Variants in CRLS1 observed in about 807,000 individuals in gnomAD.
The protein encoded by CRLS1 is cardiolipin synthase 1, also known as cardiolipin synthase (CMP-forming).
A neutral mutation model predicts 37.0 loss-of-function variants in CRLS1; 24 were observed. The observed-to-expected ratio is 0.65, with a 90% CI of 0.47 to 0.91. CRLS1 has a LOEUF of 0.91. CRLS1 is among the 40% of genes least tolerant of loss of function. The pLI, the probability that CRLS1 is intolerant of heterozygous loss-of-function variation, is 0.00. For synonymous variants in CRLS1, 135 were observed against 159.7 expected, an observed-to-expected ratio of 0.85 and a Z score of 1.17; for missense variants, 373 against 395.8, an observed-to-expected ratio of 0.94 and a Z score of 0.49.
intron 5 of CRLS1, among the ~76,000 whole-genome samples, chr20:6,033,210 A>ACCT (rs1980308482): frequency 6.7e-6 from 1 of 149,520 alleles, no homozygotes; most frequent in Non-Finnish European, 1.5e-5. Flanking sequence ...GCTCACTGCA[A>ACCT]CCTCCTCCTC....
intron 3 of CRLS1, among the ~76,000 whole-genome samples, chr20:6,020,530 T>C (rs1879908318): frequency 6.6e-6 from 1 of 152,172 alleles, no homozygotes; most frequent in Admixed American, 6.5e-5. Flanking sequence ...TTATAAATAT[T>C]CCATGAATAC....
chr20:6,033,689 T>G (rs989253361), intron 5 of CRLS1, among the ~76,000 whole-genome samples: 8 of 151,738 alleles, frequency 5.3e-5, no homozygotes, highest in Non-Finnish European at 1.0e-4. Flanking sequence ...GATGAGTGCT[T>G]TTTCTTTGAA....
intron 3 of CRLS1, among the ~76,000 whole-genome samples, chr20:6,024,802 T>C (rs910429908): frequency 6.6e-6 from 1 of 152,190 alleles, no homozygotes. Flanking sequence ...TTATTGCTTA[T>C]GGAAAGAAAG....
At chr20:6,010,053 C>A in intron 2 of CRLS1, 141 bp downstream of exon 2, 4 of 700,648 alleles carry the variant, frequency 5.7e-6, no homozygotes, top group African/African-American at 1.9e-5. Flanking sequence ...TTTGTGAGGA[C>A]TTTGTCTTTA....
rs1980695007 is a variant in CRLS1 at position 6,038,006 on chromosome 20, T to C, written c.*848T>C. 1 of 152,236 alleles carries C rather than the reference T, an allele frequency of 6.6e-6. No homozygotes were observed. Among genetic ancestry groups the C allele is most frequent in the Non-Finnish European group, 1.5e-5 (1 of 68,046 alleles). The allele number at this position is 152,236 out of a possible 1,614,324, so 9.4% of individuals were successfully genotyped here. On this transcript the variant is annotated 3_prime_UTR_variant, in exon 7 of 7. Coordinates refer to ENST00000378863, the MANE Select transcript of CRLS1 (RefSeq NM_019095.6). ...TTTAAACTTTGGAGACTCTTTCTTT[T>C]GTTAAGCAGTTAAAGGAATAAAAGA...
chr20:6,035,050 G>A (rs1028784992), intron 6 of CRLS1, among the ~76,000 whole-genome samples: 1 of 152,210 alleles, frequency 6.6e-6, no homozygotes, highest in South Asian at 2.1e-4. Flanking sequence ...TCTTAAAAGT[G>A]TGTCAAATTC....
At position 6,006,439 on chromosome 20, in the gene CRLS1, C is replaced by T. The variant is rs1346117996; in HGVS notation, c.193C>T (p.Gln65Ter). ...TGGCTTGCGGCTGCCCGGGATCGGC[C>T]AGCGGAACCACTGTTCGGGCGCGGG... ...ALGLRLPGIG[Q>*]RNHCSGAGKA... Residue 65 changes from glutamine to a stop codon, truncating the protein, a stop_gained, in exon 1 of 7, where the codon CAG becomes TAG. Coordinates refer to ENST00000378863, the MANE Select transcript of CRLS1 (RefSeq NM_019095.6). LOFTEE classifies it high-confidence loss of function. 2.1e-6 allele frequency: 3 copies of T among 1,406,948 alleles called. No individual in the cohort carries two copies. The highest frequency in any genetic ancestry group is 2.8e-6 in the Non-Finnish European group (3 of 1,081,416). 87.2% of individuals were successfully genotyped at this position (1,406,948 alleles called of 1,614,324 possible). A position where few individuals can be genotyped will look rare whatever the true frequency, so the allele number is the denominator to read the frequency against.
chr20:6,015,432 T>C lies in CRLS1; in HGVS notation c.516T>C (p.Ala172=). ...SALGSALDPL[A]DKILISILYV... is the part of the protein sequence containing the mutation. ...TGGGAAGTGCTCTTGATCCACTTGC[T>C]GATAAAATACTTATCAGTATCTTAT... The change falls in exon 3 of 7, where the codon GCT becomes GCC. Residue 172 remains alanine (A), a synonymous_variant. Transcript: ENST00000378863. 1 of 1,611,680 alleles carries C rather than the reference T, an allele frequency of 6.2e-7. No homozygotes were observed. The highest frequency in any genetic ancestry group is 8.5e-7 in the Non-Finnish European group (1 of 1,178,004).
At chr20:6,010,151 G>C (rs2090114631) in intron 2 of CRLS1, among the ~76,000 whole-genome samples, 1 of 149,280 alleles carries the variant, frequency 6.7e-6, no homozygotes, top group Admixed American at 6.8e-5. Context: ...GGGATACTTT[G>C]TACTCTTGGT....
Position 6,032,085 on chromosome 20 carries a change from G to C in CRLS1, c.729+5G>C. The C allele has an allele frequency of 6.2e-7, 1 of 1,602,530 alleles. No individual in the cohort carries two copies. The highest frequency in any genetic ancestry group is 1.1e-5 in the South Asian group (1 of 90,640). ...AAACCAACATTCATCAGCAAGGTAA[G>C]AGAATGCAATGTTCTTTGAAGTTAT... is the stretch of plus-strand genomic sequence containing the variant. On this transcript the variant is annotated splice_donor_5th_base_variant and intron_variant, in intron 5 of 6. Transcript: ENST00000378863.
rs1980625294 is a variant in CRLS1 at position 6,037,224 on chromosome 20, T to C, written c.*66T>C. The stretch of plus-strand genomic sequence containing the variant: ...TCAATGGGAACAGGGCCCATGGAAA[T>C]GTACAGGAGTTTCCCTATTTTGGTG... On this transcript the variant is annotated 3_prime_UTR_variant, in exon 7 of 7. Coordinates refer to ENST00000378863, the MANE Select transcript of CRLS1 (RefSeq NM_019095.6). 2 of 1,111,166 alleles carry C rather than the reference T, an allele frequency of 1.8e-6. No homozygotes were observed. Among genetic ancestry groups the C allele is most frequent in the Non-Finnish European group, 2.6e-6 (2 of 771,770 alleles). 68.8% of individuals were successfully genotyped at this position (1,111,166 alleles called of 1,614,324 possible). A position where few individuals can be genotyped will look rare whatever the true frequency, so the allele number is the denominator to read the frequency against.
intron 3 of CRLS1, among the ~76,000 whole-genome samples, chr20:6,018,755 A>G (rs1299095845): frequency 6.6e-6 from 1 of 152,160 alleles, no homozygotes; most frequent in Non-Finnish European, 1.5e-5. Flanking sequence ...CCTGGCCTGG[A>G]TATTAAATTT....
rs756160131 is a variant in CRLS1, at chr20:6,034,605, T to C, written c.821+50T>C. 1.5e-4 allele frequency: 198 copies of C among 1,298,778 alleles called. 2 individuals are homozygous for C. Among genetic ancestry groups the C allele is most frequent in the South Asian group, 1.1e-4 (9 of 83,836 alleles). 80.5% of individuals were successfully genotyped at this position (1,298,778 alleles called of 1,614,324 possible). On this transcript the variant is annotated intron_variant, in intron 6 of 6. Transcript: ENST00000378863. ...CTTAGAATGTCAACAGAATGACTTA[T>C]GGTGATAGCCCTAGAATGACCTTGT...
chr20:6,012,441 T>C (rs1365593066), intron 2 of CRLS1, among the ~76,000 whole-genome samples: 1 of 151,814 alleles, frequency 6.6e-6, no homozygotes, highest in Non-Finnish European at 1.5e-5. Flanking sequence ...AGTGTGTGGG[T>C]TTGAGATATA....
chr20:6,038,474 T>G lies in CRLS1; in HGVS notation c.*1316T>G, dbSNP rs1980729189. ...TGTGGCTTGCTGGTCCTGGTTGTTC[T>G]CAGACTGGCAGCTGAGCTGCGCTTG... On this transcript the variant is annotated 3_prime_UTR_variant, in exon 7 of 7. Transcript: ENST00000378863. The G allele has an allele frequency of 6.6e-6, 1 of 152,268 alleles. No homozygotes were observed. The highest frequency in any genetic ancestry group is 2.4e-5 in the African/African-American group (1 of 41,472). The allele number at this position is 152,268 out of a possible 1,614,324, so 9.4% of individuals were successfully genotyped here. A position where few individuals can be genotyped will look rare whatever the true frequency, so the allele number is the denominator to read the frequency against.
chr20:6,006,635 C>T (rs2090059909), intron 1 of CRLS1, 83 bp downstream of exon 1: 2 of 1,219,454 alleles, frequency 1.6e-6, no homozygotes, highest in Non-Finnish European at 2.0e-6. Flanking sequence ...CTGGGTGGTG[C>T]AGCTCGGACG....
intron 3 of CRLS1, among the ~76,000 whole-genome samples, chr20:6,021,172 T>G (rs1189584408): frequency 6.6e-6 from 1 of 151,708 alleles, no homozygotes; most frequent in African/African-American, 2.4e-5. Context: ...GTCCAAGTGA[T>G]TCTCCTACCT....
At chr20:6,014,176 A>G (rs902934522) in intron 2 of CRLS1, among the ~76,000 whole-genome samples, 4 of 152,230 alleles carry the variant, frequency 2.6e-5, no homozygotes, top group African/African-American at 9.6e-5. Context: ...GCTGAAGACA[A>G]CCACCCCTTT....
intron 3 of CRLS1, among the ~76,000 whole-genome samples, chr20:6,022,678 A>G (rs1199283660): frequency 1.3e-5 from 2 of 152,100 alleles, no homozygotes; most frequent in Non-Finnish European, 2.9e-5. Context: ...TCTTGTGGCT[A>G]TTTTTAAGAT....
Sources: allele counts gnomAD v4.1 joint callset (sites outside exome capture counted in the v4.1 genomes callset), GRCh38; gene constraint gnomAD v4.1.1; transcripts MANE v1.5; gene names NCBI Gene and HGNC (gene_info 2026-07-23, HGNC 2026-07-21).